The following RBFOX1 variants were observed in gnomAD, a reference collection of about 807,000 sequenced individuals.
The protein encoded by RBFOX1 is RNA binding protein fox-1 homolog 1.
Under a neutral mutation model 57.7 loss-of-function variants are expected in RBFOX1, and 8 were observed. The observed-to-expected ratio is 0.14, with a 90% confidence interval of 0.08 to 0.25. RBFOX1 has a LOEUF of 0.25. Among genes scored for constraint, RBFOX1 ranks in the 10% least tolerant of loss-of-function variants. The pLI is 1.00. For missense variants in RBFOX1, 611 were observed against 548.5 expected, an observed-to-expected ratio of 1.11 and a Z score of -1.14; for synonymous variants, 326 against 222.4, an observed-to-expected ratio of 1.47 and a Z score of -4.15.
At chr16:5,941,296 C>CT (rs1352595625) in intron 4 of RBFOX1, among the ~76,000 whole-genome samples, 2 of 151,758 alleles carry the variant, frequency 1.3e-5, no homozygotes, top group African/African-American at 4.8e-5. Flanking sequence ...TCAAGACCAG[C>CT]CTGGGCAACG....
intron 2 of RBFOX1, among the ~76,000 whole-genome samples, chr16:5,583,764 C>A (rs1392062773): frequency 6.6e-6 from 1 of 152,178 alleles, no homozygotes; most frequent in Admixed American, 6.5e-5. Context: ...TTAGCCCCAT[C>A]TTATAGAGGG....
chr16:5,506,832 T>A (rs187813137), intron 2 of RBFOX1, among the ~76,000 whole-genome samples: 184 of 152,042 alleles, frequency 1.2e-3, no homozygotes, highest in African/African-American at 4.2e-3. Context: ...GGGAGTGGGG[T>A]CTAAACTCTT....
chr16:7,032,170 A>C (rs192135121), intron 3 of RBFOX1, among the ~76,000 whole-genome samples: 13 of 152,194 alleles, frequency 8.5e-5, no homozygotes, highest in Non-Finnish European at 1.6e-4. Flanking sequence ...CACACCTGTA[A>C]TCCCAGTTCT....
intron 4 of RBFOX1, among the ~76,000 whole-genome samples, chr16:7,092,872 T>G (rs2151154498): frequency 6.6e-6 from 1 of 152,294 alleles, no homozygotes; most frequent in Admixed American, 6.5e-5. Flanking sequence ...CTTTTCACAG[T>G]GATTCTTCTT....
intron 4 of RBFOX1, among the ~76,000 whole-genome samples, chr16:7,470,040 A>G (rs76012404): frequency 2.0e-5 from 3 of 149,724 alleles, no homozygotes; most frequent in African/African-American, 7.5e-5. Context: ...TTCACTTTTA[A>G]CATTGCATAA....
At chr16:6,949,028 A>T (rs1376977631) in intron 3 of RBFOX1, among the ~76,000 whole-genome samples, 1 of 152,014 alleles carries the variant, frequency 6.6e-6, no homozygotes, top group East Asian at 1.9e-4. Context: ...AAGAAATTCG[A>T]CTCTATGGAG....
At chr16:6,610,691 TGAAAGA>T (rs1226764473) in intron 2 of RBFOX1, among the ~76,000 whole-genome samples, 1 of 152,210 alleles carries the variant, frequency 6.6e-6, no homozygotes, top group African/African-American at 2.4e-5. Flanking sequence ...GAAGAAACAC[TGAAAGA>T]TCAGATTGCG....
intron 1 of RBFOX1, among the ~76,000 whole-genome samples, chr16:5,439,411 C>T (rs2068015755): frequency 6.6e-6 from 1 of 151,976 alleles, no homozygotes; most frequent in Non-Finnish European, 1.5e-5. Flanking sequence ...GTAGAAAACG[C>T]ATCATGGGGA....
chr16:6,210,699 TG>T (rs889244863), intron 1 of RBFOX1, among the ~76,000 whole-genome samples: 1 of 151,646 alleles, frequency 6.6e-6, no homozygotes, highest in African/African-American at 2.4e-5. Flanking sequence ...CTCCAGTGCC[TG>T]GGTGACACAG....
intron 1 of RBFOX1, chr16:6,092,629 C>CATTTATTG (rs1328227559): frequency 6.6e-6 from 1 of 152,152 alleles, no homozygotes; most frequent in African/African-American, 2.4e-5. Flanking sequence ...ATCCCAGTAC[C>CATTTATTG]ATTTATTGAA....
At chr16:6,033,059 A>T (rs1205665280) in intron 1 of RBFOX1, among the ~76,000 whole-genome samples, 1 of 152,068 alleles carries the variant, frequency 6.6e-6, no homozygotes, top group African/African-American at 2.4e-5. Flanking sequence ...GTCGTTTGTC[A>T]TCTGAGTTGT....
rs193094642 is a variant in RBFOX1, at chr16:6,831,241, C to G, written c.-16+176591C>G. On this transcript the variant is annotated intron_variant, in intron 3 of 15. Coordinates refer to ENST00000550418, the MANE Select transcript of RBFOX1 (RefSeq NM_018723.4). Reference sequence around the variant, plus strand: ...ACCTTAAACCTTGGCTTGACTTGGTCGAATTTTAACTCTATTCTTGGCTCA... The same window carrying G: ...ACCTTAAACCTTGGCTTGACTTGGTGGAATTTTAACTCTATTCTTGGCTCA... Among the ~76,000 whole-genome samples the G allele has an allele frequency of 2.0e-5, 3 of 152,168 alleles. No homozygotes were observed. The East Asian group carries it at 5.8e-4, about 29-fold the overall frequency.
At chr16:6,918,897 G>A (rs752191992) in intron 3 of RBFOX1, among the ~76,000 whole-genome samples, 50 of 152,144 alleles carry the variant, frequency 3.3e-4, no homozygotes, top group Admixed American at 6.6e-4. Flanking sequence ...GAAAGTGGGG[G>A]TGGGGAGGAA....
chr16:5,511,504 C>G lies in RBFOX1; in HGVS notation c.258+44250C>G, dbSNP rs544846737. Among the ~76,000 whole-genome samples the G allele has an allele frequency of 2.0e-5, 3 of 152,300 alleles. No homozygotes were observed. The South Asian group carries it at 6.2e-4, about 32-fold the overall frequency. On this transcript the variant is annotated intron_variant, in intron 2 of 2. Transcript: ENST00000585867. ...ACACCAAACATGGTGAAGAACAACA[C>G]TAATCACTTTACCAGCATCATCTGT... is the stretch of plus-strand genomic sequence containing the variant.
At chr16:7,197,065 G>C (rs1018207622) in intron 4 of RBFOX1, among the ~76,000 whole-genome samples, 1 of 152,258 alleles carries the variant, frequency 6.6e-6, no homozygotes, top group Admixed American at 6.5e-5. Flanking sequence ...CTCCTTGTGT[G>C]CTAGACACCT....
At chr16:6,866,731 A>C (rs533688405) in intron 3 of RBFOX1, among the ~76,000 whole-genome samples, 3 of 151,584 alleles carry the variant, frequency 2.0e-5, no homozygotes, top group Non-Finnish European at 4.4e-5. Flanking sequence ...TTTAGTAGAG[A>C]AGGGGTTTCA....
intron 4 of RBFOX1, among the ~76,000 whole-genome samples, chr16:7,116,860 C>A (rs189438128): frequency 5.1e-4 from 78 of 152,190 alleles, no homozygotes; most frequent in Non-Finnish European, 7.9e-4. Context: ...TTTGCAGTCT[C>A]GTGGGAGTCA....
At chr16:7,061,285 C>G (rs1461647829) in intron 4 of RBFOX1, among the ~76,000 whole-genome samples, 2 of 152,238 alleles carry the variant, frequency 1.3e-5, no homozygotes, top group East Asian at 3.9e-4. Context: ...TAAATGTCAT[C>G]TTCACAAGAC....
rs1001192532 is a variant in RBFOX1, at chr16:6,010,476, C to G, written c.351+143141C>G. Among the ~76,000 whole-genome samples, 19 of 152,366 alleles carry G rather than the reference C, an allele frequency of 1.2e-4. No homozygotes were observed. In the South Asian group the frequency reaches 3.5e-3, roughly 28 times the overall value. On this transcript the variant is annotated intron_variant, in intron 4 of 19. Transcript: ENST00000641259. ...ACATTCTTTTTGTTGGCTTCTGTCT[C>G]TTCTCCATTTACTTCCCCACTCCTG...
Sources: allele counts gnomAD v4.1 joint callset (sites outside exome capture counted in the v4.1 genomes callset), GRCh38; gene constraint gnomAD v4.1.1; transcripts MANE v1.5; gene names NCBI Gene and HGNC (gene_info 2026-07-23, HGNC 2026-07-21).